BTD: variants seen among roughly 807,000 people sequenced by gnomAD.
BTD encodes biocytinase.
Under a neutral mutation model 17.7 loss-of-function variants are expected in BTD, and 13 were observed. That is an observed-to-expected ratio of 0.74 (90% CI 0.48 to 1.17). The LOEUF (loss-of-function observed/expected upper bound fraction) is 1.17. BTD is among the 50% of genes most tolerant of loss of function. The pLI, the probability that BTD is intolerant of heterozygous loss-of-function variation, is 0.00. For synonymous variants in BTD, 240 were observed against 245.2 expected (o/e 0.98, Z 0.20); for missense variants, 674 against 650.4 (o/e 1.04, Z -0.39).
At chr3:15,711,865 A>AT (rs35787947) in exon 4 of BTD, among the ~76,000 whole-genome samples, 69,339 of 147,462 alleles carry the variant, frequency 0.47, 18,798 homozygotes, top group Non-Finnish European at 0.6. Context: ...TTTTTTTTGT[A>AT]TTTTTTTTTT....
chr3:15,699,052 A>G (rs886601474), intron 3 of BTD, among the ~76,000 whole-genome samples: 7 of 152,218 alleles, frequency 4.6e-5, no homozygotes, highest in Non-Finnish European at 7.3e-5. Flanking sequence ...TATATAGAAC[A>G]ATGGAACAGA....
Position 15,635,295 on chromosome 3 carries a change from A to G in BTD, c.-16-129A>G, listed in dbSNP as rs1023271897. 1 of 1,411,916 alleles carries G rather than the reference A, an allele frequency of 7.1e-7. No individual in the cohort carries two copies. Among genetic ancestry groups the G allele is most frequent in the African/African-American group, 1.4e-5 (1 of 70,774 alleles). The allele number at this position is 1,411,916 out of a possible 1,614,324, so 87.5% of individuals were successfully genotyped here. ...ACTCTTTTATTAGGAACATGAAACAAACTCTTTGAGCCGCAGTATCACTGC... is the reference window on the plus strand; with the variant it reads ...ACTCTTTTATTAGGAACATGAAACAGACTCTTTGAGCCGCAGTATCACTGC... On this transcript the variant is annotated intron_variant, in intron 1 of 3. Coordinates refer to ENST00000643237, the MANE Select transcript of BTD (RefSeq NM_001370658.1). This position sits in a 1 kb window ranked among gnomAD's most constrained non-coding sequence, Gnocchi z 4.1.
chr3:15,678,183 A>G (rs770611868), intron 3 of BTD: 36 of 1,586,016 alleles, frequency 2.3e-5, no homozygotes, highest in Non-Finnish European at 3.0e-5. Flanking sequence ...ACTTAGGAAA[A>G]TACAATTTTA....
At chr3:15,710,529 A>G (rs1468058925) in exon 4 of BTD, among the ~76,000 whole-genome samples, 2 of 152,128 alleles carry the variant, frequency 1.3e-5, no homozygotes, top group Admixed American at 1.3e-4. Flanking sequence ...GGTTCAACGT[A>G]CTCGTCCTCT....
intron 3 of BTD, among the ~76,000 whole-genome samples, chr3:15,682,090 A>T (rs2067608361): frequency 6.6e-6 from 1 of 152,188 alleles, no homozygotes; most frequent in African/African-American, 2.4e-5. Context: ...CAAAAAAAAT[A>T]TGAATAAAAA....
chr3:15,619,879 C>T (rs775939180), intron 1 of BTD, among the ~76,000 whole-genome samples: 1 of 152,176 alleles, frequency 6.6e-6, no homozygotes, highest in Non-Finnish European at 1.5e-5. Context: ...CTGCCTGAGT[C>T]TCAGACCAGC....
chr3:15,716,833 A>C (rs112983005), downstream of BTD, among the ~76,000 whole-genome samples: 1 of 152,202 alleles, frequency 6.6e-6, no homozygotes, highest in Non-Finnish European at 1.5e-5. Context: ...ACGGTGGCTC[A>C]TATCTATAAT....
intron 1 of BTD, among the ~76,000 whole-genome samples, chr3:15,605,503 C>G (rs186374390): frequency 1.3e-5 from 2 of 152,232 alleles, no homozygotes; most frequent in East Asian, 3.9e-4. Context: ...CAGAGGGTGA[C>G]TTCTTTCAAG....
chr3:15,658,704 T>C (rs142552782), downstream of BTD, among the ~76,000 whole-genome samples: 319 of 152,338 alleles, frequency 2.1e-3, no homozygotes, highest in African/African-American at 7.3e-3. Context: ...CCTTTAGTTT[T>C]CCCTGACTCT....
At chr3:15,609,690 G>A (rs551332889) in intron 1 of BTD, among the ~76,000 whole-genome samples, 16 of 152,190 alleles carry the variant, frequency 1.1e-4, no homozygotes, top group African/African-American at 2.6e-4. Flanking sequence ...TTGGCCATGC[G>A]TGTTTCTTTT....
exon 4 of BTD, chr3:15,711,159 CT>C: frequency 7.0e-7 from 1 of 1,422,966 alleles, no homozygotes; most frequent in Non-Finnish European, 9.7e-7. Flanking sequence ...AAGAGAAAAC[CT>C]GCCATGACCA....
At chr3:15,685,136 A>G in intron 3 of BTD, 2 of 1,426,710 alleles carry the variant, frequency 1.4e-6, no homozygotes, top group East Asian at 4.6e-5. Flanking sequence ...GTTTTTGCTA[A>G]TTTTAAACTT....
At chr3:15,642,692 G>A (rs1012241227) in intron 3 of BTD, among the ~76,000 whole-genome samples, 1 of 151,952 alleles carries the variant, frequency 6.6e-6, no homozygotes, top group African/African-American at 2.4e-5. Context: ...TCGATCTCCT[G>A]ACCTTGTGAT....
chr3:15,699,851 G>A (rs1258301369), intron 3 of BTD, among the ~76,000 whole-genome samples: 3 of 152,206 alleles, frequency 2.0e-5, no homozygotes, highest in Non-Finnish European at 4.4e-5. Flanking sequence ...TCTAGAACTA[G>A]AAATACCATT....
chr3:15,653,859 G>C (rs1462652156), downstream of BTD, among the ~76,000 whole-genome samples: 2 of 152,206 alleles, frequency 1.3e-5, no homozygotes, highest in Non-Finnish European at 2.9e-5. Flanking sequence ...GCTAGAAATT[G>C]TGGAGGATGC....
intron 1 of BTD, among the ~76,000 whole-genome samples, chr3:15,610,558 A>G (rs1255340437): frequency 6.6e-6 from 1 of 152,182 alleles, no homozygotes; most frequent in African/African-American, 2.4e-5. Context: ...CCAGTGATAC[A>G]TAATTTCCCC....
chr3:15,694,252 T>C (rs980930162), intron 3 of BTD, among the ~76,000 whole-genome samples: 1 of 152,204 alleles, frequency 6.6e-6, no homozygotes, highest in Middle Eastern at 3.4e-3. Context: ...GGAAGGGACA[T>C]AACAGACAAT....
intron 1 of BTD, among the ~76,000 whole-genome samples, chr3:15,631,838 A>C (rs1402747418): frequency 6.6e-6 from 1 of 152,166 alleles, no homozygotes; most frequent in Non-Finnish European, 1.5e-5. Flanking sequence ...TCAGAGGTGC[A>C]CCTTGGTAGA....
At chr3:15,662,837 C>T (rs9865333) in intron 3 of BTD, among the ~76,000 whole-genome samples, 3 of 144,058 alleles carry the variant, frequency 2.1e-5, no homozygotes, top group Admixed American at 6.9e-5. Context: ...GTTTCATCAT[C>T]TTGCCCAGGC....
Sources: allele counts gnomAD v4.1 joint callset (sites outside exome capture counted in the v4.1 genomes callset), GRCh38; gene constraint gnomAD v4.1.1; non-coding constraint Gnocchi (gnomAD v3.1); transcripts MANE v1.5; gene names NCBI Gene and HGNC (gene_info 2026-07-23, HGNC 2026-07-21).